Variants in HADHA observed in about 807,000 individuals in gnomAD.
The protein encoded by HADHA is hydroxyacyl-CoA dehydrogenase trifunctional multienzyme complex subunit alpha, also known as trifunctional enzyme subunit alpha, mitochondrial.
HADHA carries 59 observed loss-of-function variants against 91.3 expected under a neutral mutation model. The observed-to-expected ratio is 0.65, with a 90% CI of 0.52 to 0.80. The LOEUF (loss-of-function observed/expected upper bound fraction) is 0.80. Ranked by LOEUF, HADHA falls within the 30% of genes least tolerant of loss-of-function variation. The pLI, the probability that HADHA is intolerant of heterozygous loss-of-function variation, is 0.00. For synonymous variants in HADHA, 320 were observed against 338.9 expected, an observed-to-expected ratio of 0.94 and a Z score of 0.61; for missense variants, 800 against 927.6, an observed-to-expected ratio of 0.86 and a Z score of 1.79.
chr2:26,196,388 G>A (rs1050252192), intron 14 of HADHA, among the ~76,000 whole-genome samples: 3 of 152,164 alleles, frequency 2.0e-5, no homozygotes, highest in Non-Finnish European at 4.4e-5. Context: ...AAAGGAATTA[G>A]CCTTTATTGA....
rs1312869183 is a variant in HADHA, at chr2:26,221,531, C to A, written c.677-6356G>T. ...ATAAAGTGGGGTGTACACGGTAGCA[C>A]TCCATTATCAAATGGAAGTGGTATA... On this transcript the variant is annotated intron_variant, in intron 7 of 19. Transcript: ENST00000380649. This position sits in a 1 kb window ranked among gnomAD's most constrained non-coding sequence, Gnocchi z 4.8. 6.6e-6 allele frequency among the ~76,000 whole-genome samples: 1 copy of A among 152,152 alleles called. No homozygotes were observed. Among genetic ancestry groups the A allele is most frequent in the African/African-American group, 2.4e-5 (1 of 41,432 alleles).
chr2:26,231,267 G>T (rs1670615736), intron 6 of HADHA, among the ~76,000 whole-genome samples: 1 of 152,152 alleles, frequency 6.6e-6, no homozygotes, highest in African/African-American at 2.4e-5. Context: ...GCTCAATTGA[G>T]ATCAACTTCC....
At chr2:26,206,402 T>C (rs1011436101) in intron 11 of HADHA, among the ~76,000 whole-genome samples, 26 of 152,102 alleles carry the variant, frequency 1.7e-4, no homozygotes, top group African/African-American at 6.3e-4. Flanking sequence ...CTAATTTTTG[T>C]ATTTTTAGTA....
chr2:26,204,137 T>A lies in HADHA; in HGVS notation c.1145A>T (p.Asp382Val). ...MGAGIAQVSV[D>V]KGLKTILKDA... is the part of the protein sequence containing the mutation. ...TTTAAGTATAGTCTTTAGCCCCTTA[T>A]CCACGGAGACTTGGGCGATGCCTGC... The change falls in exon 12 of 20, where the codon GAT (aspartate) becomes GTT (valine). Residue 382 changes from aspartate to valine, a missense_variant. By Grantham distance (152) the Asp-to-Val change is radical (BLOSUM62 -3). Transcript: ENST00000380649. 6.2e-7 allele frequency: 1 copy of A among 1,613,612 alleles called. No homozygotes were observed. Among genetic ancestry groups the A allele is most frequent in the Non-Finnish European group, 8.5e-7 (1 of 1,179,498 alleles).
chr2:26,238,895 T>C (rs760200901), intron 3 of HADHA, 39 bp downstream of exon 3: 2 of 1,209,714 alleles, frequency 1.7e-6, no homozygotes, highest in South Asian at 1.2e-5. Flanking sequence ...AGATTCATAA[T>C]GCGGTTAGCA....
intron 6 of HADHA, among the ~76,000 whole-genome samples, chr2:26,231,877 G>A (rs1670631584): frequency 6.6e-6 from 1 of 151,130 alleles, no homozygotes; most frequent in Non-Finnish European, 1.5e-5. Context: ...GCTGAGGCAG[G>A]AGAATCGCTT....
intron 7 of HADHA, among the ~76,000 whole-genome samples, 157 bp from the exon 8 acceptor site, chr2:26,215,332 A>G (rs1670189944): frequency 6.6e-6 from 1 of 152,198 alleles, no homozygotes; most frequent in Non-Finnish European, 1.5e-5. Flanking sequence ...GAAGTCAAAG[A>G]AGGGAAATCA....
chr2:26,236,967 G>C lies in HADHA; in HGVS notation c.202C>G (p.Leu68Val), dbSNP rs1193572304. The change falls in exon 4 of 20, where the codon CTA (leucine) becomes GTA (valine). Residue 68 changes from leucine to valine, a missense_variant. Coordinates refer to ENST00000380649, the MANE Select transcript of HADHA (RefSeq NM_000182.5). ...NSKVNTLSKE[L>V]HSEFSEVMNE... ...ATAACTTCTGAGAACTCTGAATGTAGCTCTTTACTCAGTGTATTTACCTGC... is the reference window on the plus strand; with the variant it reads ...ATAACTTCTGAGAACTCTGAATGTACCTCTTTACTCAGTGTATTTACCTGC... 1 of 1,608,854 alleles carries C rather than the reference G, an allele frequency of 6.2e-7. No homozygotes were observed. Among genetic ancestry groups the C allele is most frequent in the African/African-American group, 1.3e-5 (1 of 74,830 alleles).
chr2:26,215,523 A>T lies in HADHA; in HGVS notation c.677-348T>A, dbSNP rs190843664. Among the ~76,000 whole-genome samples the T allele has an allele frequency of 1.3e-3, 205 of 152,312 alleles. 4 individuals are homozygous for T. The highest frequency in any genetic ancestry group is 4.0e-4 in the Non-Finnish European group (27 of 68,002). ...AGAAAAAAGAAGAAATCATGAAATC[A>T]TTTGTAAAGACACTGGGGAGCTATG... On this transcript the variant is annotated intron_variant, in intron 7 of 19. Transcript: ENST00000380649.
At chr2:26,240,855 A>G (rs11687007) in intron 1 of HADHA, among the ~76,000 whole-genome samples, 1 of 152,316 alleles carries the variant, frequency 6.6e-6, no homozygotes, top group Non-Finnish European at 1.5e-5. Context: ...ACTCCTGTCC[A>G]CTAACCTACC....
intron 4 of HADHA, among the ~76,000 whole-genome samples, chr2:26,235,865 G>A (rs1342337430): frequency 1.3e-5 from 2 of 152,110 alleles, no homozygotes; most frequent in African/African-American, 2.4e-5. Flanking sequence ...GTTAATGTAG[G>A]CATGCATTCC....
At chr2:26,219,341 C>T (rs534475508) in intron 7 of HADHA, among the ~76,000 whole-genome samples, 10 of 152,078 alleles carry the variant, frequency 6.6e-5, no homozygotes, top group Non-Finnish European at 1.3e-4. Flanking sequence ...TTAGCCAGGA[C>T]GGTCTCCATC....
intron 7 of HADHA, among the ~76,000 whole-genome samples, chr2:26,223,796 G>A (rs1191683401): frequency 1.3e-5 from 2 of 152,112 alleles, no homozygotes; most frequent in East Asian, 3.9e-4. Flanking sequence ...GCCCAGGCTG[G>A]AGTGCAATGG....
intron 7 of HADHA, among the ~76,000 whole-genome samples, chr2:26,220,385 T>G (rs1670347124): frequency 6.6e-6 from 1 of 152,178 alleles, no homozygotes; most frequent in Non-Finnish European, 1.5e-5. Flanking sequence ...TGCCTCTACC[T>G]AGAAAAGAGT....
chr2:26,239,131 C>A lies in HADHA; in HGVS notation c.80G>T (p.Arg27Leu), dbSNP rs200145855. 5.3e-5 allele frequency: 85 copies of A among 1,605,020 alleles called. No individual in the cohort carries two copies. Among genetic ancestry groups the A allele is most frequent in the South Asian group, 4.0e-4 (36 of 90,864 alleles). Residue 27 changes from arginine (R) to leucine (L), a missense_variant, in exon 2 of 20, where the codon CGC becomes CTC. By Grantham distance (102) the Arg-to-Leu change is moderately radical. Transcript: ENST00000380649. ...CAAAGCAGAAGACCCTGTAAAATTG[C>A]GGCATATATAACCTGTAAGAAAAGA... is the stretch of plus-strand genomic sequence containing the variant. ...RILRSRGYICRNFTGSSALLT... is the reference protein window; with the variant it reads ...RILRSRGYICLNFTGSSALLT...
Position 26,230,269 on chromosome 2 carries a change from A to G in HADHA, c.599T>C (p.Met200Thr). ...KMVGVPAALD[M>T]MLTGRSIRAD... ...ACGAATGCTTCTACCAGTCAGCATC[A>G]TGTCCAAAGCAGCAGGCACACCCAC... is the stretch of plus-strand genomic sequence containing the variant. Residue 200 changes from methionine to threonine, a missense_variant, in exon 7 of 20, where the codon ATG (methionine) becomes ACG (threonine). Coordinates refer to ENST00000380649, the MANE Select transcript of HADHA (RefSeq NM_000182.5). 2 of 1,613,658 alleles carry G rather than the reference A, an allele frequency of 1.2e-6. No homozygotes were observed. The highest frequency in any genetic ancestry group is 8.5e-7 in the Non-Finnish European group (1 of 1,179,562).
In HADHA at chr2:26,195,158, G is replaced by C. The variant is rs765162716; in HGVS notation, c.1554C>G (p.Ser518=). Residue 518 remains serine, a synonymous_variant, in exon 15 of 20, where the codon TCC becomes TCG. Transcript: ENST00000380649. The stretch of plus-strand genomic sequence containing the variant: ...CTACAGCTGAAGCACTGGTGTCTTT[G>C]GAAGTTTTCTCGGTCGTGATAATCT... ...LLEIITTEKT[S]KDTSASAVAV... 1.9e-6 allele frequency: 3 copies of C among 1,612,408 alleles called. No homozygotes were observed. The South Asian group carries it at 3.3e-5, about 18-fold the overall frequency.
At chr2:26,220,695 G>A (rs1235222036) in intron 7 of HADHA, among the ~76,000 whole-genome samples, 1 of 152,158 alleles carries the variant, frequency 6.6e-6, no homozygotes, top group Non-Finnish European at 1.5e-5. Flanking sequence ...CTTGGTATCT[G>A]TTAGTAAAGA....
chr2:26,237,999 A>G (rs1670801122), intron 3 of HADHA, among the ~76,000 whole-genome samples: 1 of 152,132 alleles, frequency 6.6e-6, no homozygotes, highest in Non-Finnish European at 1.5e-5. Context: ...GCCTCTGGCT[A>G]TAAGTTTGTT....
Sources: gnomAD v4.1 joint callset for allele counts (sites outside exome capture counted in the v4.1 genomes callset) on GRCh38, gnomAD v4.1.1 for gene constraint, Gnocchi (gnomAD v3.1) non-coding constraint, MANE v1.5 for transcripts, NCBI Gene and HGNC (gene_info 2026-07-23, HGNC 2026-07-21) for gene names.